PRKDC: variants seen among roughly 807,000 people sequenced by gnomAD.
The protein encoded by PRKDC is protein kinase, DNA-activated, catalytic subunit, also known as DNA-dependent protein kinase catalytic subunit.
A neutral mutation model predicts 486.9 loss-of-function variants in PRKDC; 82 were observed. The observed-to-expected ratio is 0.17, with a 90% CI of 0.14 to 0.20. The LOEUF (loss-of-function observed/expected upper bound fraction) is 0.20, where lower values mean the gene tolerates loss of function less well. PRKDC is among the 10% of genes least tolerant of loss of function. The pLI, the probability that PRKDC is intolerant of heterozygous loss-of-function variation, is 1.00. For synonymous variants in PRKDC, 1,895 were observed against 1,837.0 expected (o/e 1.03, Z -0.81); for missense variants, 4,504 against 5,038.2 (o/e 0.89, Z 3.21).
intron 55 of PRKDC, among the ~76,000 whole-genome samples, 164 bp downstream of exon 55, chr8:47,839,852 T>C (rs933581058): frequency 1.3e-5 from 2 of 152,164 alleles, no homozygotes; most frequent in African/African-American, 2.4e-5. Context: ...TGCACACCCA[T>C]AGACCCAGCT....
At chr8:47,936,020 T>G in intron 12 of PRKDC, 120 bp from the exon 13 acceptor site, 1 of 1,012,800 alleles carries the variant, frequency 9.9e-7, no homozygotes. Flanking sequence ...AAACATGGTT[T>G]GTCATCTAAC....
chr8:47,911,825 A>T (rs1176665609), intron 25 of PRKDC, among the ~76,000 whole-genome samples: 1 of 151,880 alleles, frequency 6.6e-6, no homozygotes, highest in African/African-American at 2.4e-5. Flanking sequence ...ACTAGAGTGC[A>T]GTGGCGTGAT....
At chr8:47,798,020 A>G (rs2087016848) in intron 73 of PRKDC, among the ~76,000 whole-genome samples, 1 of 152,246 alleles carries the variant, frequency 6.6e-6, no homozygotes, top group Admixed American at 6.5e-5. Flanking sequence ...GTTCAGACAC[A>G]GTGTTTTTAT....
chr8:47,804,733 G>A (rs540254403), intron 69 of PRKDC, among the ~76,000 whole-genome samples: 30 of 152,142 alleles, frequency 2.0e-4, no homozygotes, highest in Middle Eastern at 3.4e-3. Context: ...TGGAATTGTC[G>A]GGTCATATGG....
intron 62 of PRKDC, 25 bp downstream of exon 62, chr8:47,828,143 T>G: frequency 6.3e-6 from 10 of 1,596,518 alleles, no homozygotes; most frequent in Non-Finnish European, 8.6e-6. Flanking sequence ...CAATGTATAT[T>G]TGATGAAGTG....
In PRKDC at chr8:47,898,329, G is replaced by A. The variant is rs1243772170; in HGVS notation, c.3464+141C>T. On this transcript the variant is annotated intron_variant, in intron 29 of 85. Coordinates refer to ENST00000314191, the MANE Select transcript of PRKDC (RefSeq NM_006904.7). Reference sequence around the variant, plus strand: ...AAGCTTTTTAACGTTTTTGGAAAACGAACTCTTCAGACTTCCACACATTCC... The same window carrying A: ...AAGCTTTTTAACGTTTTTGGAAAACAAACTCTTCAGACTTCCACACATTCC... The A allele has an allele frequency of 1.6e-5, 10 of 617,478 alleles. No homozygotes were observed. The South Asian group carries it at 2.4e-4, about 15-fold the overall frequency. The allele number at this position is 617,478 out of a possible 1,614,324, so 38.2% of individuals were successfully genotyped here.
chr8:47,887,656 T>C lies in PRKDC; in HGVS notation c.4463A>G (p.Tyr1488Cys). ...CTCATCTCCAGGGGCAATGCCTTTA[T>C]AAACCAGGGAAAGAAGTTCTGTGCC... is the stretch of plus-strand genomic sequence containing the variant. ...SVGTELLSLV[Y>C]KGIAPGDERQ... The change falls in exon 35 of 86, where the codon TAT (tyrosine) becomes TGT (cysteine). Residue 1488 changes from tyrosine (Y) to cysteine (C), a missense_variant. Around this residue, in one of 6 missense-constraint regions of PRKDC, gnomAD observed 1,969 missense variants for 2,068.9 expected, o/e 0.95. Coordinates refer to ENST00000314191, the MANE Select transcript of PRKDC (RefSeq NM_006904.7). The C allele has an allele frequency of 6.2e-7, 1 of 1,609,908 alleles. No homozygotes were observed. Among genetic ancestry groups the C allele is most frequent in the South Asian group, 1.1e-5 (1 of 89,652 alleles).
At chr8:47,867,263 C>T (rs1589753352) in intron 40 of PRKDC, among the ~76,000 whole-genome samples, 1 of 151,904 alleles carries the variant, frequency 6.6e-6, no homozygotes, top group Admixed American at 6.6e-5. Context: ...GAGAAGGGCC[C>T]GAGATGGAAG....
chr8:47,900,778 G>A (rs1981441), intron 27 of PRKDC, among the ~76,000 whole-genome samples: 2 of 151,956 alleles, frequency 1.3e-5, no homozygotes. Flanking sequence ...GAACCCGGGA[G>A]GTGGAGCTTG....
Position 47,847,874 on chromosome 8 carries a change from AATATATATAT to A in PRKDC, c.7280+1270_7280+1279del, listed in dbSNP as rs34432546. Among the ~76,000 whole-genome samples, 4 of 146,268 alleles carry A rather than the reference AATATATATAT, an allele frequency of 2.7e-5. No individual in the cohort carries two copies. In the South Asian group the frequency reaches 8.6e-4, roughly 31 times the overall value. Reference sequence around the variant, plus strand: ...TCAAAAGACATAAAAGCGGCCAACAAATATATATATATATATATATATAAAAGTCATCATC... The same window carrying A: ...TCAAAAGACATAAAAGCGGCCAACAAATATATATATATAAAAGTCATCATC... On this transcript the variant is annotated intron_variant, in intron 54 of 85. Coordinates refer to ENST00000314191, the MANE Select transcript of PRKDC (RefSeq NM_006904.7).
intron 18 of PRKDC, 94 bp downstream of exon 18, chr8:47,929,759 C>G: frequency 7.7e-7 from 1 of 1,291,678 alleles, no homozygotes; most frequent in South Asian, 1.7e-5. Flanking sequence ...GACTTTAAAA[C>G]TGCATAGGCC....
chr8:47,912,333 A>G (rs1269564062), intron 25 of PRKDC, 77 bp downstream of exon 25: 13 of 1,396,480 alleles, frequency 9.3e-6, no homozygotes, highest in African/African-American at 4.4e-5. Flanking sequence ...AGGTAATTCC[A>G]CTGCTCTGCT....
At position 47,887,665 on chromosome 8, in the gene PRKDC, G is replaced by C; in HGVS notation, c.4454C>G (p.Ser1485Cys). Reference protein sequence around the residue: ...LHHSVGTELLSLVYKGIAPGD... With the variant: ...LHHSVGTELLCLVYKGIAPGD... ...AGGGGCAATGCCTTTATAAACCAGG[G>C]AAAGAAGTTCTGTGCCAACAGAATG... The change falls in exon 35 of 86, where the codon TCC becomes TGC. Residue 1485 changes from serine to cysteine, a missense_variant. Ser to Cys is a moderately radical substitution (Grantham distance 112). Transcript: ENST00000314191. The C allele has an allele frequency of 6.2e-7, 1 of 1,610,234 alleles. No homozygotes were observed. The highest frequency in any genetic ancestry group is 8.5e-7 in the Non-Finnish European group (1 of 1,178,378).
chr8:47,947,608 A>C (rs1159593689), intron 7 of PRKDC, among the ~76,000 whole-genome samples: 1 of 152,176 alleles, frequency 6.6e-6, no homozygotes, highest in African/African-American at 2.4e-5. Context: ...TCTCTACAAA[A>C]AATACAAAAA....
In PRKDC at chr8:47,858,542, C is replaced by T. The variant is rs1393237907; in HGVS notation, c.6439G>A (p.Ala2147Thr). 8 of 1,532,020 alleles carry T rather than the reference C, an allele frequency of 5.2e-6. No individual in the cohort carries two copies. Among genetic ancestry groups the T allele is most frequent in the Non-Finnish European group, 6.2e-6 (7 of 1,130,410 alleles). The allele number at this position is 1,532,020 out of a possible 1,614,324, so 94.9% of individuals were successfully genotyped here. The change falls in exon 48 of 86, where the codon GCC (alanine) becomes ACC (threonine). Residue 2147 changes from alanine to threonine, a missense_variant. Coordinates refer to ENST00000314191, the MANE Select transcript of PRKDC (RefSeq NM_006904.7). ...TCTTCTGTATTAATAACAAGCTTGG[C>T]TAAGAAGAGACGGATATTTAATGGT... ...IVPLNIRLFL[A>T]KLVINTEEVF...
At chr8:47,850,332 C>G (rs540972706) in intron 52 of PRKDC, among the ~76,000 whole-genome samples, 1 of 152,284 alleles carries the variant, frequency 6.6e-6, no homozygotes, top group Non-Finnish European at 1.5e-5. Flanking sequence ...TCTGAAAATC[C>G]AGAATCCTCC....
At position 47,782,483 on chromosome 8, in the gene PRKDC, A is replaced by G; in HGVS notation, c.11291T>C (p.Val3764Ala). The G allele has an allele frequency of 6.3e-7, 1 of 1,582,908 alleles. No homozygotes were observed. Among genetic ancestry groups the G allele is most frequent in the Non-Finnish European group, 8.6e-7 (1 of 1,165,190 alleles). ...ATTCATGACCTGGAAGAGCTGCTCC[A>G]CGCGCTGGTCCTGCCGCAGGTCCTC... is the stretch of plus-strand genomic sequence containing the variant. ...GGEDLRQDQR[V>A]EQLFQVMNGI... The change falls in exon 79 of 86, where the codon GTG becomes GCG. Residue 3764 changes from valine to alanine, a missense_variant. Physicochemically the swap from Val to Ala is moderately conservative, Grantham distance 64. Around this residue, in one of 6 missense-constraint regions of PRKDC, gnomAD observed 706 missense variants for 945.0 expected, o/e 0.75. Transcript: ENST00000314191. The surrounding 1 kb of genome is among the most constrained non-coding windows in gnomAD (Gnocchi z 4.9).
chr8:47,818,540 C>T (rs2087504716), intron 67 of PRKDC, among the ~76,000 whole-genome samples: 1 of 133,238 alleles, frequency 7.5e-6, no homozygotes, highest in South Asian at 2.4e-4. Flanking sequence ...GATCCCGCCA[C>T]TGCACTCCAG....
At chr8:47,893,109 A>G in intron 31 of PRKDC, 30 bp downstream of exon 31, 5 of 1,544,110 alleles carry the variant, frequency 3.2e-6, no homozygotes, top group Non-Finnish European at 3.5e-6. Flanking sequence ...GCAGCACGAC[A>G]CACACCAGAA....
Sources: allele counts gnomAD v4.1 joint callset (sites outside exome capture counted in the v4.1 genomes callset), GRCh38; gene constraint gnomAD v4.1.1; regional missense constraint gnomAD v4.1.1; non-coding constraint Gnocchi (gnomAD v3.1); transcripts MANE v1.5; gene names NCBI Gene and HGNC (gene_info 2026-07-23, HGNC 2026-07-21).